TGFA: variants seen among roughly 807,000 people sequenced by gnomAD.
TGFA encodes transforming growth factor alpha.
TGFA carries 12 observed loss-of-function variants against 21.7 expected under a neutral mutation model. The observed-to-expected ratio is 0.55, with a 90% CI of 0.35 to 0.90. TGFA has a LOEUF of 0.90. TGFA is among the 40% of genes least tolerant of loss of function. The pLI is 0.01. For missense variants in TGFA, 178 were observed against 210.8 expected (o/e 0.84, Z 0.96); for synonymous variants, 79 against 88.1 (o/e 0.90, Z 0.58).
intron 2 of TGFA, among the ~76,000 whole-genome samples, chr2:70,489,382 C>T (rs1377348915): frequency 1.3e-5 from 2 of 152,220 alleles, no homozygotes; most frequent in African/African-American, 4.8e-5. Context: ...CTCTCAACAC[C>T]AGACGAAGCA....
chr2:70,537,746 T>C (rs1028084371), intron 1 of TGFA, among the ~76,000 whole-genome samples: 1 of 152,244 alleles, frequency 6.6e-6, no homozygotes, highest in African/African-American at 2.4e-5. Flanking sequence ...TAAGGAAAGA[T>C]GCCCTCTCCA....
intron 2 of TGFA, among the ~76,000 whole-genome samples, chr2:70,511,890 T>TACAC (rs36084203): frequency 0.04 from 5,664 of 142,994 alleles, 243 homozygotes; most frequent in African/African-American, 0.1. Context: ...TAGTCATGAA[T>TACAC]ACACACACAC....
At chr2:70,467,762 G>A (rs1419479463) in intron 2 of TGFA, 4 of 152,174 alleles carry the variant, frequency 2.6e-5, no homozygotes, top group Non-Finnish European at 4.4e-5. Flanking sequence ...TTAAACTCCT[G>A]TTGCTATCTT....
intron 1 of TGFA, among the ~76,000 whole-genome samples, chr2:70,537,837 T>C (rs1421632142): frequency 6.6e-6 from 1 of 152,108 alleles, no homozygotes; most frequent in Non-Finnish European, 1.5e-5. Flanking sequence ...GCTAAGACCA[T>C]TGATGAAGGT....
chr2:70,512,310 A>G (rs540807367), intron 2 of TGFA, among the ~76,000 whole-genome samples: 2 of 152,246 alleles, frequency 1.3e-5, no homozygotes, highest in Non-Finnish European at 1.5e-5. Context: ...CAAGTTCTGT[A>G]GCTCAGTGAC....
At chr2:70,462,772 AG>A (rs1289903701) in intron 3 of TGFA, among the ~76,000 whole-genome samples, 2 of 152,126 alleles carry the variant, frequency 1.3e-5, no homozygotes, top group Admixed American at 6.5e-5. Context: ...ATCAAGATCC[AG>A]GGGGGAAACT....
At chr2:70,453,587 A>G (rs1426692857) in intron 4 of TGFA, among the ~76,000 whole-genome samples, 1 of 152,178 alleles carries the variant, frequency 6.6e-6, no homozygotes, top group African/African-American at 2.4e-5. Flanking sequence ...CTGCAAGCTG[A>G]CCTGGCTCCA....
At chr2:70,451,115 A>C (rs1670042548) in intron 5 of TGFA, among the ~76,000 whole-genome samples, 1 of 152,110 alleles carries the variant, frequency 6.6e-6, no homozygotes, top group East Asian at 1.9e-4. Flanking sequence ...TAGCAGAAGG[A>C]AGGCAGATGG....
chr2:70,542,384 T>A (rs1673159176), intron 1 of TGFA, among the ~76,000 whole-genome samples: 1 of 152,118 alleles, frequency 6.6e-6, no homozygotes, highest in Non-Finnish European at 1.5e-5. Context: ...GGTATATCTA[T>A]CCTCTCAGCG....
intron 1 of TGFA, among the ~76,000 whole-genome samples, chr2:70,550,944 G>T (rs1457768476): frequency 6.6e-6 from 1 of 152,182 alleles, no homozygotes; most frequent in Non-Finnish European, 1.5e-5. Flanking sequence ...TAGGTTGGGT[G>T]ATATTTTTCG....
At chr2:70,503,815 C>T (rs956868598) in intron 2 of TGFA, among the ~76,000 whole-genome samples, 15 of 152,240 alleles carry the variant, frequency 9.9e-5, no homozygotes, top group African/African-American at 2.2e-4. Context: ...CTAGAGGCCC[C>T]GTCCTTGGAC....
chr2:70,547,768 GC>G (rs1673355701), intron 1 of TGFA, among the ~76,000 whole-genome samples: 1 of 67,172 alleles, frequency 1.5e-5, no homozygotes, highest in African/African-American at 4.5e-5. Flanking sequence ...TACTATATAT[GC>G]TATATATGTA....
intron 2 of TGFA, among the ~76,000 whole-genome samples, chr2:70,497,252 G>A (rs1004025702): frequency 6.6e-6 from 1 of 152,226 alleles, no homozygotes. Flanking sequence ...CTGAGAGTAT[G>A]TTACTATGTA....
intron 1 of TGFA, among the ~76,000 whole-genome samples, chr2:70,529,447 A>G (rs868955514): frequency 2.0e-5 from 3 of 152,206 alleles, no homozygotes; most frequent in Non-Finnish European, 4.4e-5. Flanking sequence ...AGCATTTTTC[A>G]TCACGGATGC....
Position 70,465,756 on chromosome 2 carries a change from A to G in TGFA, c.95-20T>C, listed in dbSNP as rs1262951121. The G allele has an allele frequency of 3.7e-6, 6 of 1,613,060 alleles. No individual in the cohort carries two copies. Among genetic ancestry groups the G allele is most frequent in the Non-Finnish European group, 5.1e-6 (6 of 1,179,770 alleles). ...GGTCTGCTGGGGAGAGGAAAGATGC[A>G]GGGCTCAGATCCAGGAACAGCTGAC... is the stretch of plus-strand genomic sequence containing the variant. On this transcript the variant is annotated intron_variant, in intron 2 of 5. Transcript: ENST00000295400.
intron 2 of TGFA, among the ~76,000 whole-genome samples, chr2:70,472,076 AG>A (rs1225215355): frequency 6.6e-6 from 1 of 152,034 alleles, no homozygotes; most frequent in Non-Finnish European, 1.5e-5. Flanking sequence ...TGGAAATTCA[AG>A]AAAATAGCGA....
chr2:70,460,130 T>C (rs1670366804), intron 3 of TGFA, among the ~76,000 whole-genome samples: 2 of 152,144 alleles, frequency 1.3e-5, no homozygotes, highest in South Asian at 4.1e-4. Flanking sequence ...GAAACCAACG[T>C]TTCTCAACTG....
At chr2:70,541,792 A>T (rs1177083518) in intron 1 of TGFA, among the ~76,000 whole-genome samples, 6 of 152,142 alleles carry the variant, frequency 3.9e-5, no homozygotes, top group Admixed American at 3.9e-4. Context: ...ACATTCCTAA[A>T]AACTGCTCAG....
At chr2:70,499,210 A>G (rs1553498768) in intron 2 of TGFA, among the ~76,000 whole-genome samples, 1 of 152,146 alleles carries the variant, frequency 6.6e-6, no homozygotes, top group African/African-American at 2.4e-5. Context: ...ACTCACCTCT[A>G]TTTCTAGGTA....
Sources: gnomAD v4.1 joint callset for allele counts (sites outside exome capture counted in the v4.1 genomes callset) on GRCh38, gnomAD v4.1.1 for gene constraint, MANE v1.5 for transcripts, NCBI Gene and HGNC (gene_info 2026-07-23, HGNC 2026-07-21) for gene names.